Variants in SPSB4 observed in about 807,000 individuals in gnomAD.
The protein encoded by SPSB4 is splA/ryanodine receptor domain and SOCS box containing 4.
SPSB4 carries 21 observed loss-of-function variants against 20.9 expected under a neutral mutation model. The observed-to-expected ratio is 1.01, with a 90% confidence interval of 0.71 to 1.45. SPSB4 has a LOEUF of 1.45. Among genes scored for constraint, SPSB4 ranks in the 40% most tolerant of loss-of-function variants. SPSB4 has a pLI of 0.00. For synonymous variants in SPSB4, 207 were observed against 183.8 expected, an observed-to-expected ratio of 1.13 and a Z score of -1.02; for missense variants, 399 against 399.2, an observed-to-expected ratio of 1.00 and a Z score of 0.00.
intron 1 of SPSB4, among the ~76,000 whole-genome samples, chr3:141,060,279 G>A (rs1221932751): frequency 1.3e-5 from 2 of 152,212 alleles, no homozygotes; most frequent in African/African-American, 4.8e-5. Context: ...ACATGTTTAA[G>A]TGTCTTTTCA....
At chr3:141,055,678 G>A (rs1382921550) in intron 1 of SPSB4, among the ~76,000 whole-genome samples, 2 of 152,188 alleles carry the variant, frequency 1.3e-5, no homozygotes, top group African/African-American at 2.4e-5. Context: ...CCAAGAGACG[G>A]GATCCATGGC....
At chr3:141,073,884 A>G (rs763932567) in intron 2 of SPSB4, among the ~76,000 whole-genome samples, 6 of 152,200 alleles carry the variant, frequency 3.9e-5, no homozygotes, top group South Asian at 2.1e-4. Flanking sequence ...AGGCATGTCA[A>G]TGCAGGATCC....
At chr3:141,072,042 C>A (rs1938019034) in intron 2 of SPSB4, among the ~76,000 whole-genome samples, 1 of 152,238 alleles carries the variant, frequency 6.6e-6, no homozygotes, top group Non-Finnish European at 1.5e-5. Flanking sequence ...TCCCAGCCTC[C>A]AGGACATCTG....
intron 2 of SPSB4, among the ~76,000 whole-genome samples, chr3:141,130,810 C>T (rs1559855767): frequency 6.6e-6 from 1 of 152,190 alleles, no homozygotes; most frequent in South Asian, 2.1e-4. Flanking sequence ...AACAGAGTCC[C>T]TGGGAAGTCC....
rs554820784 is a variant in SPSB4, at chr3:141,095,340, T to C, written c.694+28542T>C. Among the ~76,000 whole-genome samples the C allele has an allele frequency of 4.2e-3, 645 of 152,242 alleles. 4 individuals carry two copies. Among genetic ancestry groups the C allele is most frequent in the African/African-American group, 0.014 (575 of 41,528 alleles). On this transcript the variant is annotated intron_variant, in intron 2 of 2. Coordinates refer to ENST00000310546, the MANE Select transcript of SPSB4 (RefSeq NM_080862.3). ...CTCAACAGCTGTGTCCTCTGTATTG[T>C]TTGGGTCGCTGCCTGGAGCACCATG...
intron 1 of SPSB4, among the ~76,000 whole-genome samples, chr3:141,054,745 C>T (rs1459685090): frequency 2.0e-5 from 3 of 152,198 alleles, no homozygotes; most frequent in South Asian, 2.1e-4. Flanking sequence ...GCGGGGGGAT[C>T]GCAAGGTCAG....
At chr3:141,110,017 G>C (rs1244639698) in intron 2 of SPSB4, among the ~76,000 whole-genome samples, 1 of 152,186 alleles carries the variant, frequency 6.6e-6, no homozygotes, top group Non-Finnish European at 1.5e-5. Context: ...AGGGAGAAAT[G>C]GTGCCTCCTC....
intron 2 of SPSB4, among the ~76,000 whole-genome samples, chr3:141,088,990 T>C (rs1336514087): frequency 6.6e-6 from 1 of 152,192 alleles, no homozygotes; most frequent in Non-Finnish European, 1.5e-5. Context: ...ACTTTCTTTT[T>C]CACAGAGTAC....
Position 141,066,565 on chromosome 3 carries a change from A to G in SPSB4, c.461A>G (p.Lys154Arg). ...LGRSRLYHDG[K>R]NQPGVAYPAF... ...CGCAGCCGCCTCTACCACGACGGCA[A>G]GAACCAGCCCGGCGTGGCCTACCCG... The change falls in exon 2 of 3, where the codon AAG becomes AGG. Residue 154 changes from lysine (K) to arginine (R), a missense_variant. Transcript: ENST00000310546. The G allele has an allele frequency of 6.5e-7, 1 of 1,541,040 alleles. No homozygotes were observed. Among genetic ancestry groups the G allele is most frequent in the Non-Finnish European group, 8.7e-7 (1 of 1,143,420 alleles).
chr3:141,115,597 A>G (rs1041061355), intron 2 of SPSB4, among the ~76,000 whole-genome samples: 23 of 152,258 alleles, frequency 1.5e-4, no homozygotes, highest in African/African-American at 5.5e-4. Flanking sequence ...TACTTGAGAT[A>G]GTTTTCATTA....
chr3:141,098,842 A>G (rs72981996), intron 2 of SPSB4, among the ~76,000 whole-genome samples: 16,063 of 152,200 alleles, frequency 0.11, 939 homozygotes, highest in East Asian at 0.14. Context: ...AATTCCAAAG[A>G]CTGGGTAATT....
At position 141,066,729 on chromosome 3, in the gene SPSB4, C is replaced by G. The variant is rs755707354; in HGVS notation, c.625C>G (p.Leu209Val). 6.2e-7 allele frequency: 1 copy of G among 1,608,246 alleles called. No homozygotes were observed. Among genetic ancestry groups the G allele is most frequent in the Non-Finnish European group, 8.5e-7 (1 of 1,177,106 alleles). ...CTTCCGAGGTCTCAAGGGCAAGAAG[C>G]TGTACCCGGTGGTGAGTGCCGTGTG... ...VAFRGLKGKK[L>V]YPVVSAVWGH... The change falls in exon 2 of 3, where the codon CTG becomes GTG. Residue 209 changes from leucine (L) to valine (V), a missense_variant. Transcript: ENST00000310546.
intron 2 of SPSB4, among the ~76,000 whole-genome samples, chr3:141,122,728 T>C (rs1576538727): frequency 6.6e-6 from 1 of 152,234 alleles, no homozygotes; most frequent in African/African-American, 2.4e-5. Context: ...CAAGGCTCCG[T>C]GGGCGTGGGA....
chr3:141,082,745 C>T (rs4683547), intron 2 of SPSB4, among the ~76,000 whole-genome samples: 6,306 of 152,056 alleles, frequency 0.041, 431 homozygotes, highest in African/African-American at 0.14. Context: ...AGGCTGTGAA[C>T]GGCTGAAAGG....
chr3:141,127,983 C>T (rs910260938), intron 2 of SPSB4, among the ~76,000 whole-genome samples: 2 of 152,250 alleles, frequency 1.3e-5, no homozygotes, highest in Non-Finnish European at 2.9e-5. Flanking sequence ...CCTGCCTGAC[C>T]TCATACCCTT....
intron 2 of SPSB4, among the ~76,000 whole-genome samples, chr3:141,097,670 T>C (rs1249573769): frequency 6.6e-6 from 1 of 151,956 alleles, no homozygotes; most frequent in Non-Finnish European, 1.5e-5. Flanking sequence ...TCCTGTTCAG[T>C]GAGGAGGAAT....
At chr3:141,091,711 T>C (rs1047734911) in intron 2 of SPSB4, among the ~76,000 whole-genome samples, 1 of 152,188 alleles carries the variant, frequency 6.6e-6, no homozygotes, top group Admixed American at 6.5e-5. Flanking sequence ...ATTAAAGTAG[T>C]GCAGGTGCTG....
Position 141,102,394 on chromosome 3 carries a change from C to T in SPSB4, c.694+35596C>T, listed in dbSNP as rs528524266. On this transcript the variant is annotated intron_variant, in intron 2 of 2. Coordinates refer to ENST00000310546, the MANE Select transcript of SPSB4 (RefSeq NM_080862.3). ...CTGTGGTTACTAGTGTGCAGGGTGG[C>T]ATGTCGGGAAGGTAGATGGTCCTGG... 1.4e-4 allele frequency among the ~76,000 whole-genome samples: 21 copies of T among 152,192 alleles called. No homozygotes were observed. The South Asian group carries it at 2.5e-3, about 18-fold the overall frequency.
chr3:141,092,872 G>C (rs1938481536), intron 2 of SPSB4, among the ~76,000 whole-genome samples: 1 of 152,266 alleles, frequency 6.6e-6, no homozygotes, highest in Non-Finnish European at 1.5e-5. Flanking sequence ...ACGAGGCTCA[G>C]AGGGGTGAAG....
Sources: gnomAD v4.1 joint callset for allele counts (sites outside exome capture counted in the v4.1 genomes callset) on GRCh38, gnomAD v4.1.1 for gene constraint, MANE v1.5 for transcripts, NCBI Gene and HGNC (gene_info 2026-07-23, HGNC 2026-07-21) for gene names.